Variants in CCBE1 observed in about 807,000 individuals in gnomAD.
The protein encoded by CCBE1 is collagen and calcium-binding EGF domain-containing protein 1.
Under a neutral mutation model 50.0 loss-of-function variants are expected in CCBE1, and 37 were observed. The observed-to-expected ratio is 0.74, with a 90% CI of 0.57 to 0.97. The LOEUF is 0.97. Among genes scored for constraint, CCBE1 ranks in the 50% least tolerant of loss-of-function variants. The pLI is 0.00. For synonymous variants in CCBE1, 234 were observed against 203.7 expected (o/e 1.15, Z -1.27); for missense variants, 538 against 523.8 (o/e 1.03, Z -0.26).
intron 2 of CCBE1, among the ~76,000 whole-genome samples, chr18:59,514,644 T>TCA (rs1333839795): frequency 8.7e-6 from 1 of 114,702 alleles, no homozygotes; most frequent in Non-Finnish European, 1.8e-5. Context: ...TTCCTTTCCT[T>TCA]GAAAAAAAAA....
chr18:59,610,445 C>A (rs760638297), intron 2 of CCBE1, among the ~76,000 whole-genome samples: 6 of 151,192 alleles, frequency 4.0e-5, no homozygotes, highest in Non-Finnish European at 7.4e-5. Flanking sequence ...AGTAACAAGC[C>A]AACATACCAC....
chr18:59,628,060 A>G (rs1452901646), intron 2 of CCBE1, among the ~76,000 whole-genome samples: 6 of 152,156 alleles, frequency 3.9e-5, no homozygotes, highest in Non-Finnish European at 7.3e-5. Context: ...AAAAAATACA[A>G]AAAATTATCC....
At chr18:59,661,358 A>G (rs536621323) in intron 2 of CCBE1, among the ~76,000 whole-genome samples, 37 of 152,380 alleles carry the variant, frequency 2.4e-4, no homozygotes, top group Admixed American at 8.5e-4. Context: ...TGCCTGAGTC[A>G]GAATAGGGGT....
At chr18:59,476,110 C>T (rs1420467404) in intron 3 of CCBE1, among the ~76,000 whole-genome samples, 1 of 152,082 alleles carries the variant, frequency 6.6e-6, no homozygotes, top group Non-Finnish European at 1.5e-5. Context: ...TCTGGGACAA[C>T]CCTCCCATCT....
intron 2 of CCBE1, among the ~76,000 whole-genome samples, chr18:59,640,486 TG>T (rs1335762491): frequency 6.6e-6 from 1 of 152,146 alleles, no homozygotes; most frequent in East Asian, 1.9e-4. Context: ...CAACTCAAGA[TG>T]GATTAAAGAC....
At chr18:59,588,168 T>C (rs1415624801) in intron 2 of CCBE1, among the ~76,000 whole-genome samples, 1 of 152,234 alleles carries the variant, frequency 6.6e-6, no homozygotes, top group African/African-American at 2.4e-5. Flanking sequence ...TTTTGAGGTA[T>C]AGCCTATATA....
At chr18:59,546,644 AT>A (rs1444157082) in intron 2 of CCBE1, among the ~76,000 whole-genome samples, 1 of 152,224 alleles carries the variant, frequency 6.6e-6, no homozygotes, top group African/African-American at 2.4e-5. Context: ...TTTCTTACTA[AT>A]TTGTAGAAAC....
At chr18:59,612,815 GTT>G (rs796066639) in intron 2 of CCBE1, among the ~76,000 whole-genome samples, 1 of 114,938 alleles carries the variant, frequency 8.7e-6, no homozygotes, top group African/African-American at 3.1e-5. Flanking sequence ...AATCTCAAGG[GTT>G]TTTTTTTTGT....
chr18:59,533,727 T>C (rs1056747903), intron 2 of CCBE1, among the ~76,000 whole-genome samples: 5 of 152,306 alleles, frequency 3.3e-5, no homozygotes, highest in Admixed American at 1.3e-4. Context: ...CCCTGTACCA[T>C]GCATTAATTC....
chr18:59,525,748 C>T (rs1914792484), intron 2 of CCBE1, among the ~76,000 whole-genome samples: 1 of 152,014 alleles, frequency 6.6e-6, no homozygotes, highest in African/African-American at 2.4e-5. Context: ...CTCTTTAATC[C>T]ATCTTGAGTT....
chr18:59,644,055 A>C (rs1026679032), intron 2 of CCBE1, among the ~76,000 whole-genome samples: 6 of 152,106 alleles, frequency 3.9e-5, no homozygotes, highest in Non-Finnish European at 8.8e-5. Context: ...CATGGAAGAC[A>C]ATTTTTTCCA....
intron 2 of CCBE1, among the ~76,000 whole-genome samples, chr18:59,617,124 T>C (rs986195065): frequency 2.0e-5 from 3 of 152,208 alleles, no homozygotes; most frequent in African/African-American, 7.2e-5. Flanking sequence ...CTCTGAACTA[T>C]ACCAGTGTAC....
intron 2 of CCBE1, among the ~76,000 whole-genome samples, chr18:59,537,914 G>A (rs1454866595): frequency 6.6e-6 from 1 of 152,158 alleles, no homozygotes; most frequent in East Asian, 1.9e-4. Context: ...GATAATAACA[G>A]TGCTTATTTT....
At chr18:59,622,013 T>C (rs949601337) in intron 2 of CCBE1, among the ~76,000 whole-genome samples, 10 of 152,196 alleles carry the variant, frequency 6.6e-5, no homozygotes, top group African/African-American at 2.2e-4. Context: ...CAAAGAAGTC[T>C]GCTTAATGTG....
rs1179283167 is a variant in CCBE1 at position 59,697,234 on chromosome 18, C to T, written c.109G>A (p.Glu37Lys). Residue 37 changes from glutamate to lysine, a missense_variant, in exon 1 of 11, where the codon GAG becomes AAG. Glu to Lys is a moderately conservative substitution (Grantham distance 56). Transcript: ENST00000439986. The part of the protein sequence containing the change: ...LALGHTWTYR[E>K]EPEDGDREIC... ...TACCTGTCGCCGTCCTCCGGCTCCT[C>T]TCTGTAGGTCCACGTGTGTCCCAAC... The T allele has an allele frequency of 2.6e-6, 4 of 1,549,142 alleles. No individual in the cohort carries two copies. Among genetic ancestry groups the T allele is most frequent in the East Asian group, 2.4e-5 (1 of 40,896 alleles).
chr18:59,650,371 AC>A (rs1189782789), intron 2 of CCBE1, among the ~76,000 whole-genome samples: 1 of 149,956 alleles, frequency 6.7e-6, no homozygotes, highest in East Asian at 2.0e-4. Context: ...CTCTAGAGTG[AC>A]CCCCTTCCTC....
chr18:59,521,048 C>T (rs1344705273), intron 2 of CCBE1, among the ~76,000 whole-genome samples: 1 of 152,192 alleles, frequency 6.6e-6, no homozygotes, highest in East Asian at 1.9e-4. Context: ...ATCCATCTGT[C>T]CTCATCCCTC....
chr18:59,436,771 C>A (rs573126391), intron 10 of CCBE1, among the ~76,000 whole-genome samples: 10 of 152,030 alleles, frequency 6.6e-5, no homozygotes, highest in African/African-American at 1.5e-4. Flanking sequence ...GAGTTCAAGA[C>A]CAACCTGGAA....
chr18:59,589,618 AC>A (rs1337282719), intron 2 of CCBE1, among the ~76,000 whole-genome samples: 1 of 151,862 alleles, frequency 6.6e-6, no homozygotes, highest in Non-Finnish European at 1.5e-5. Context: ...ACATGGTGAA[AC>A]CCCGTCTCTA....
Sources: gnomAD v4.1 joint callset for allele counts (sites outside exome capture counted in the v4.1 genomes callset) on GRCh38, gnomAD v4.1.1 for gene constraint, MANE v1.5 for transcripts, NCBI Gene and HGNC (gene_info 2026-07-23, HGNC 2026-07-21) for gene names.